ZC3H12C: variants seen among roughly 807,000 people sequenced by gnomAD.
ZC3H12C encodes the protein probable ribonuclease ZC3H12C.
Under a neutral mutation model 76.3 loss-of-function variants are expected in ZC3H12C, and 20 were observed. The observed-to-expected ratio is 0.26, with a 90% CI of 0.18 to 0.38. The LOEUF (loss-of-function observed/expected upper bound fraction) is 0.38, where lower values mean the gene tolerates loss of function less well. Ranked by LOEUF, ZC3H12C falls within the 10% of genes least tolerant of loss-of-function variation. The pLI, the probability that ZC3H12C is intolerant of heterozygous loss-of-function variation, is 1.00. For missense variants in ZC3H12C, 874 were observed against 1,086.5 expected (o/e 0.80, Z 2.75); for synonymous variants, 352 against 399.6 (o/e 0.88, Z 1.42).
At chr11:110,112,178 T>C (rs942328462) in intron 1 of ZC3H12C, among the ~76,000 whole-genome samples, 1 of 152,324 alleles carries the variant, frequency 6.6e-6, no homozygotes, top group East Asian at 1.9e-4. Context: ...TCGGAACACC[T>C]TCACTGATCT....
At chr11:110,117,128 A>G (rs555464740) in intron 1 of ZC3H12C, among the ~76,000 whole-genome samples, 22 of 152,354 alleles carry the variant, frequency 1.4e-4, no homozygotes, top group African/African-American at 5.3e-4. Context: ...ATGGAATACC[A>G]TACCACTTTT....
At chr11:110,114,064 A>G (rs1861481200) in intron 1 of ZC3H12C, among the ~76,000 whole-genome samples, 1 of 152,172 alleles carries the variant, frequency 6.6e-6, no homozygotes, top group African/African-American at 2.4e-5. Context: ...AACTCCGTAT[A>G]GCATTATAGA....
At chr11:110,159,513 C>A in intron 4 of ZC3H12C, 23 bp downstream of exon 4, 1 of 1,516,486 alleles carries the variant, frequency 6.6e-7, no homozygotes, top group Non-Finnish European at 9.0e-7. Context: ...ATTTACTTGC[C>A]AATGATACTG....
At chr11:110,109,986 T>C (rs1861398473) in intron 1 of ZC3H12C, among the ~76,000 whole-genome samples, 1 of 152,168 alleles carries the variant, frequency 6.6e-6, no homozygotes. Flanking sequence ...AAAAAGTTAT[T>C]TTTCAAAAGT....
At chr11:110,118,901 T>G (rs1053550162) in intron 1 of ZC3H12C, among the ~76,000 whole-genome samples, 2 of 152,260 alleles carry the variant, frequency 1.3e-5, no homozygotes, top group Non-Finnish European at 2.9e-5. Context: ...TTCAATAAAC[T>G]GTCATTGATT....
chr11:110,136,163 T>C (rs1022440882), intron 1 of ZC3H12C: 2 of 152,584 alleles, frequency 1.3e-5, no homozygotes, highest in African/African-American at 4.8e-5. Context: ...TTTTCAAGTA[T>C]AAGTTAATGG....
chr11:110,101,352 A>G (rs551394471), intron 1 of ZC3H12C, among the ~76,000 whole-genome samples: 4 of 152,308 alleles, frequency 2.6e-5, no homozygotes, highest in Admixed American at 6.5e-5. Context: ...AGATTTTTCT[A>G]TAGACTAAAC....
At chr11:110,140,216 G>A (rs915869713) in intron 2 of ZC3H12C, among the ~76,000 whole-genome samples, 5 of 152,242 alleles carry the variant, frequency 3.3e-5, no homozygotes, top group African/African-American at 1.2e-4. Context: ...AACGAGCCTG[G>A]AAGGTGGAGG....
At chr11:110,100,228 T>TTTG (rs1405826223) in intron 1 of ZC3H12C, among the ~76,000 whole-genome samples, 1 of 151,200 alleles carries the variant, frequency 6.6e-6, no homozygotes, top group Admixed American at 6.6e-5. Flanking sequence ...TTTTTTTTTT[T>TTTG]GATACAGGGT....
At chr11:110,095,587 C>A (rs1861098820) in intron 1 of ZC3H12C, among the ~76,000 whole-genome samples, 1 of 152,196 alleles carries the variant, frequency 6.6e-6, no homozygotes, top group Non-Finnish European at 1.5e-5. Context: ...CAAATAATTA[C>A]TTATTATCAC....
Position 110,146,026 on chromosome 11 carries a change from G to A in ZC3H12C, c.774-6893G>A, listed in dbSNP as rs188314952. Among the ~76,000 whole-genome samples, 127 of 152,248 alleles carry A rather than the reference G, an allele frequency of 8.3e-4. No homozygotes were observed. The East Asian group carries it at 0.023, about 28-fold the overall frequency. ...TTTTGAGACGGAGTCTTGCTCTGTC[G>A]CCCAGGCTGGAGTGCTGTGGCGCGA... On this transcript the variant is annotated intron_variant, in intron 2 of 5. Coordinates refer to ENST00000278590, the MANE Select transcript of ZC3H12C (RefSeq NM_033390.2).
chr11:110,106,556 G>A (rs1861332433), intron 1 of ZC3H12C, among the ~76,000 whole-genome samples: 1 of 152,142 alleles, frequency 6.6e-6, no homozygotes, highest in Non-Finnish European at 1.5e-5. Flanking sequence ...TTGTAAAATG[G>A]TGATAATAAT....
chr11:110,158,821 C>T (rs893985803), intron 3 of ZC3H12C, among the ~76,000 whole-genome samples: 5 of 152,150 alleles, frequency 3.3e-5, no homozygotes, highest in Admixed American at 2.0e-4. Context: ...AAAATAATTA[C>T]GAAGTATGCA....
In ZC3H12C at chr11:110,131,086, T is replaced by TATTTTC. The variant is rs372112688; in HGVS notation, c.22-5577_22-5576insATTTTC. On this transcript the variant is annotated intron_variant, in intron 1 of 5. Transcript: ENST00000278590. ...GCTGAAGCTGCTACAGAAACCAATG[T>TATTTTC]CTTTGTATTTTCCTGCTAACGTGAG... is the stretch of plus-strand genomic sequence containing the variant. 3.0e-3 allele frequency: 4,564 copies of TATTTTC among 1,535,848 alleles called. 97 individuals are homozygous for TATTTTC. In the African/African-American group the frequency reaches 0.053, roughly 18 times the overall value.
At chr11:110,093,504 A>C in intron 1 of ZC3H12C, 72 bp downstream of exon 1, 4 of 1,099,570 alleles carry the variant, frequency 3.6e-6, no homozygotes, top group East Asian at 4.1e-5. Context: ...GGTCGTGGGG[A>C]GGGCCGCGGG....
chr11:110,101,922 A>G (rs1403825181), intron 1 of ZC3H12C, among the ~76,000 whole-genome samples: 1 of 151,976 alleles, frequency 6.6e-6, no homozygotes, highest in East Asian at 1.9e-4. Flanking sequence ...AGTTTACATC[A>G]GTTTACAGCA....
At chr11:110,109,849 A>C (rs1861396122) in intron 1 of ZC3H12C, among the ~76,000 whole-genome samples, 4 of 152,184 alleles carry the variant, frequency 2.6e-5, no homozygotes, top group Admixed American at 2.6e-4. Context: ...ATTTGCAGAT[A>C]GTGGGATTTT....
intron 1 of ZC3H12C, among the ~76,000 whole-genome samples, chr11:110,094,494 A>C (rs1861078069): frequency 6.6e-6 from 1 of 152,250 alleles, no homozygotes; most frequent in Non-Finnish European, 1.5e-5. Flanking sequence ...GATAAACCTC[A>C]AACACAATTT....
chr11:110,130,931 C>A, intron 1 of ZC3H12C: 2 of 1,168,524 alleles, frequency 1.7e-6, no homozygotes, highest in Non-Finnish European at 2.4e-6. Context: ...AGCTTTCTGG[C>A]CTATGATTGG....
Sources: allele counts gnomAD v4.1 joint callset (sites outside exome capture counted in the v4.1 genomes callset), GRCh38; gene constraint gnomAD v4.1.1; transcripts MANE v1.5; gene names NCBI Gene and HGNC (gene_info 2026-07-23, HGNC 2026-07-21).